The following FOXP1 variants were observed in gnomAD, a reference collection of about 807,000 sequenced individuals.
FOXP1 encodes forkhead box P1, also known as forkhead box protein P1.
In FOXP1, 15 loss-of-function variants were observed where a neutral mutation model predicts 98.2. The observed-to-expected ratio is 0.15, with a 90% CI of 0.10 to 0.24. FOXP1 has a LOEUF of 0.24. Ranked by LOEUF, FOXP1 falls within the 10% of genes least tolerant of loss-of-function variation. The probability of loss-of-function intolerance (pLI) is 1.00; values close to 1 mark genes in which losing one functional copy is unlikely to be tolerated. For missense variants in FOXP1, 633 were observed against 848.5 expected (o/e 0.75, Z 3.15); for synonymous variants, 371 against 314.5 (o/e 1.18, Z -1.90).
At chr3:70,989,053 C>T (rs543574462) in intron 13 of FOXP1, among the ~76,000 whole-genome samples, 1 of 152,218 alleles carries the variant, frequency 6.6e-6, no homozygotes, top group African/African-American at 2.4e-5. Flanking sequence ...AGGAGGGACT[C>T]ATTAGTTCTG....
Position 70,978,048 on chromosome 3 carries a change from C to G in FOXP1, c.1147-19G>C. On this transcript the variant is annotated intron_variant, in intron 14 of 20. Transcript: ENST00000649528. ...GATTCAACTGCAAGGAAAAAAACAA[C>G]GTCTTAGAAGACCTTCAGAAAACCA... 6.2e-7 allele frequency: 1 copy of G among 1,611,268 alleles called. No individual in the cohort carries two copies. Among genetic ancestry groups the G allele is most frequent in the Non-Finnish European group, 8.5e-7 (1 of 1,177,728 alleles).
At chr3:71,382,846 C>T (rs1304426438) in intron 3 of FOXP1, among the ~76,000 whole-genome samples, 6 of 152,280 alleles carry the variant, frequency 3.9e-5, no homozygotes, top group Admixed American at 1.3e-4. Context: ...AATCCTTTGA[C>T]GGCATCTTCT....
chr3:71,456,246 C>T (rs2087483100), intron 3 of FOXP1, among the ~76,000 whole-genome samples: 1 of 145,688 alleles, frequency 6.9e-6, no homozygotes, highest in Admixed American at 6.7e-5. Flanking sequence ...GCAGGCACAA[C>T]AGAGAAAGAG....
At chr3:71,266,112 C>T (rs998491634) in intron 5 of FOXP1, among the ~76,000 whole-genome samples, 1 of 152,024 alleles carries the variant, frequency 6.6e-6, no homozygotes, top group Admixed American at 6.6e-5. Flanking sequence ...ACACAGCAAG[C>T]AAGCCAGGAA....
intron 7 of FOXP1, among the ~76,000 whole-genome samples, chr3:71,061,402 C>G (rs2051455833): frequency 6.6e-6 from 1 of 152,132 alleles, no homozygotes; most frequent in African/African-American, 2.4e-5. Flanking sequence ...TATCACAAGA[C>G]AGCATTCTCA....
chr3:71,570,383 T>C (rs1272628574), intron 2 of FOXP1: 1 of 152,056 alleles, frequency 6.6e-6, no homozygotes, highest in Non-Finnish European at 1.5e-5. Flanking sequence ...CTCTCCCCAA[T>C]CCAAGGGTGA....
intron 2 of FOXP1, among the ~76,000 whole-genome samples, chr3:71,564,418 T>C (rs1460810802): frequency 6.6e-6 from 1 of 152,230 alleles, no homozygotes; most frequent in East Asian, 1.9e-4. Flanking sequence ...ACCGAACAAA[T>C]TGATGAGGTA....
At chr3:71,425,830 T>A (rs2084107471) in intron 3 of FOXP1, among the ~76,000 whole-genome samples, 1 of 152,086 alleles carries the variant, frequency 6.6e-6, no homozygotes. Flanking sequence ...ACCATGACAT[T>A]CATCCAACAT....
intron 3 of FOXP1, among the ~76,000 whole-genome samples, chr3:71,437,671 T>A (rs1179831911): frequency 6.6e-6 from 1 of 152,068 alleles, no homozygotes; most frequent in South Asian, 2.1e-4. Context: ...CCACCCAGCA[T>A]AAAACGCAAG....
intron 2 of FOXP1, among the ~76,000 whole-genome samples, chr3:71,500,250 G>C (rs374260914): frequency 1.3e-5 from 2 of 152,208 alleles, no homozygotes; most frequent in East Asian, 1.9e-4. Flanking sequence ...GGGGAATTAC[G>C]TAATTACTTT....
chr3:71,123,045 G>T (rs947038942), intron 6 of FOXP1, among the ~76,000 whole-genome samples: 1 of 151,924 alleles, frequency 6.6e-6, no homozygotes, highest in Non-Finnish European at 1.5e-5. Context: ...TTTTCAACCA[G>T]ACCTTTCCAT....
intron 5 of FOXP1, among the ~76,000 whole-genome samples, chr3:71,271,735 C>T (rs541966264): frequency 2.0e-4 from 31 of 152,290 alleles, no homozygotes; most frequent in African/African-American, 7.5e-4. Context: ...TACAGAGAGA[C>T]AGAGGCTGCT....
chr3:71,004,514 A>G (rs1287339335), intron 12 of FOXP1, among the ~76,000 whole-genome samples: 2 of 152,180 alleles, frequency 1.3e-5, no homozygotes, highest in African/African-American at 4.8e-5. Flanking sequence ...CTATTAACCT[A>G]TTAACTGAAG....
intron 4 of FOXP1, among the ~76,000 whole-genome samples, chr3:71,321,597 A>AT (rs2107670572): frequency 6.6e-6 from 1 of 152,180 alleles, no homozygotes; most frequent in East Asian, 1.9e-4. Context: ...ACTGGCAGGC[A>AT]TAATTCAATC....
intron 5 of FOXP1, among the ~76,000 whole-genome samples, chr3:71,294,109 C>G (rs75208550): frequency 0.076 from 11,536 of 152,044 alleles, 475 homozygotes; most frequent in Non-Finnish European, 0.1. Flanking sequence ...CAGGGGATGG[C>G]GGGAGGGCAG....
intron 2 of FOXP1, among the ~76,000 whole-genome samples, chr3:71,507,623 G>A (rs566537024): frequency 3.2e-4 from 49 of 152,038 alleles, no homozygotes; most frequent in Non-Finnish European, 5.6e-4. Context: ...TGTCACCGAG[G>A]CTGGAGTGCA....
chr3:71,355,402 G>A (rs2078086327), intron 4 of FOXP1, among the ~76,000 whole-genome samples: 1 of 152,166 alleles, frequency 6.6e-6, no homozygotes, highest in Admixed American at 6.5e-5. Context: ...TTTGGATCAA[G>A]AAAAATAATA....
intron 7 of FOXP1, among the ~76,000 whole-genome samples, chr3:71,109,415 G>C (rs1305022787): frequency 1.9e-5 from 1 of 52,532 alleles, no homozygotes; most frequent in East Asian, 5.9e-4. Context: ...CAGTATATTT[G>C]GGGATTTGGG....
chr3:71,446,094 G>A (rs1282369365), intron 3 of FOXP1, among the ~76,000 whole-genome samples: 1 of 151,802 alleles, frequency 6.6e-6, no homozygotes, highest in Admixed American at 6.6e-5. Context: ...AATGAATTCA[G>A]GCATTCAATG....
Sources: gnomAD v4.1 joint callset for allele counts (sites outside exome capture counted in the v4.1 genomes callset) on GRCh38, gnomAD v4.1.1 for gene constraint, MANE v1.5 for transcripts, NCBI Gene and HGNC (gene_info 2026-07-23, HGNC 2026-07-21) for gene names.